UBR1: variants seen among roughly 807,000 people sequenced by gnomAD.
UBR1 encodes ubiquitin protein ligase E3 component n-recognin 1, also known as E3 ubiquitin-protein ligase UBR1.
UBR1 carries 102 observed loss-of-function variants against 242.1 expected under a neutral mutation model. The ratio of observed to expected loss-of-function variants is 0.42; its 90% CI spans 0.36 to 0.50. The LOEUF (loss-of-function observed/expected upper bound fraction) is 0.50, where lower values mean the gene tolerates loss of function less well. Among genes scored for constraint, UBR1 ranks in the 20% least tolerant of loss-of-function variants. UBR1 has a pLI of 0.01. For synonymous variants in UBR1, 675 were observed against 684.8 expected, an observed-to-expected ratio of 0.99 and a Z score of 0.22; for missense variants, 1,772 against 2,101.8, an observed-to-expected ratio of 0.84 and a Z score of 3.07.
rs75465761 is a variant in UBR1 at position 43,025,137 on chromosome 15, A to G, written c.2585-154T>C. Among the ~76,000 whole-genome samples the G allele has an allele frequency of 0.042, 6,403 of 152,286 alleles. 180 individuals are homozygous for G. The highest frequency in any genetic ancestry group is 0.1 in the Middle Eastern group (30 of 294). On this transcript the variant is annotated intron_variant, in intron 24 of 46. Transcript: ENST00000290650. ...TACCTTTCCAGTACTGAAAATATCAATGTTAAGTGTAATGTAAGTACTATA... is the reference window on the plus strand; with the variant it reads ...TACCTTTCCAGTACTGAAAATATCAGTGTTAAGTGTAATGTAAGTACTATA...
chr15:43,061,585 A>G (rs1288040550), intron 6 of UBR1, among the ~76,000 whole-genome samples: 2 of 152,076 alleles, frequency 1.3e-5, no homozygotes, highest in Non-Finnish European at 2.9e-5. Context: ...ACACACACAT[A>G]TATGTATATA....
Position 42,986,240 on chromosome 15 carries a change from A to G in UBR1, c.3998-1298T>C, listed in dbSNP as rs140197407. On this transcript the variant is annotated intron_variant, in intron 35 of 46. Transcript: ENST00000290650. Reference sequence around the variant, plus strand: ...ATTCTGTACATATCTCTCCATCTCCACAGGGACTGAGATAAGTTAGTTGTT... The same window carrying G: ...ATTCTGTACATATCTCTCCATCTCCGCAGGGACTGAGATAAGTTAGTTGTT... Among the ~76,000 whole-genome samples the G allele has an allele frequency of 2.4e-3, 363 of 152,224 alleles. 3 individuals carry two copies. Among genetic ancestry groups the G allele is most frequent in the South Asian group, 1.2e-3 (6 of 4,822 alleles).
intron 3 of UBR1, 35 bp downstream of exon 3, chr15:43,082,603 C>T (rs2033985726): frequency 1.3e-6 from 2 of 1,575,082 alleles, no homozygotes; most frequent in East Asian, 4.5e-5. Context: ...CATCAGATTC[C>T]TGCTTATTCA....
At position 42,998,072 on chromosome 15, in the gene UBR1, T is replaced by C. The variant is rs2032667125; in HGVS notation, c.3757+96A>G. On this transcript the variant is annotated intron_variant, in intron 33 of 46. Transcript: ENST00000290650. ...TATTTCCTGATATTCAAGAAATCTG[T>C]ACTTGCAAACCATATTTTAGCCCAA... 7.3e-6 allele frequency: 8 copies of C among 1,088,536 alleles called. No homozygotes were observed. The South Asian group carries it at 1.2e-4, about 16-fold the overall frequency. 67.4% of individuals were successfully genotyped at this position (1,088,536 alleles called of 1,614,324 possible).
chr15:43,092,373 G>T (rs2034115150), intron 1 of UBR1, among the ~76,000 whole-genome samples: 1 of 152,066 alleles, frequency 6.6e-6, no homozygotes, highest in Non-Finnish European at 1.5e-5. Context: ...TGTACATCTA[G>T]CCTCTTCAAT....
chr15:43,057,939 T>C (rs1296376673), intron 10 of UBR1, among the ~76,000 whole-genome samples: 3 of 151,504 alleles, frequency 2.0e-5, no homozygotes, highest in African/African-American at 7.3e-5. Flanking sequence ...GATGGGAGTC[T>C]CACTCTGTTG....
intron 39 of UBR1, 90 bp from the exon 40 acceptor site, chr15:42,970,697 A>G: frequency 8.4e-7 from 1 of 1,192,440 alleles, no homozygotes; most frequent in Non-Finnish European, 1.2e-6. Context: ...ACAATAAACA[A>G]CGTAGATTCA....
chr15:43,042,253 A>G lies in UBR1; in HGVS notation c.1849+962T>C, dbSNP rs1302188695. ...CATCCATGTCATAACAGCACTATTC[A>G]TAACAGCCAAAAGGTAGAAGCAACC... On this transcript the variant is annotated intron_variant, in intron 15 of 46. Transcript: ENST00000290650. Among the ~76,000 whole-genome samples, 6 of 152,348 alleles carry G rather than the reference A, an allele frequency of 3.9e-5. No homozygotes were observed. In the South Asian group the frequency reaches 8.3e-4, roughly 21 times the overall value.
chr15:42,993,197 T>A (rs1248169138), intron 33 of UBR1, among the ~76,000 whole-genome samples: 1 of 152,048 alleles, frequency 6.6e-6, no homozygotes, highest in African/African-American at 2.4e-5. Flanking sequence ...AGTTGGGAAA[T>A]AAAGGAAGAA....
chr15:43,078,344 G>C (rs551183584), intron 3 of UBR1, among the ~76,000 whole-genome samples: 12 of 152,246 alleles, frequency 7.9e-5, no homozygotes, highest in Non-Finnish European at 1.3e-4. Flanking sequence ...CTATAGAAAT[G>C]AGAGAGAAAC....
chr15:43,010,818 CAAAAAAAAAAA>C (rs768275252), intron 29 of UBR1, among the ~76,000 whole-genome samples: 4 of 56,972 alleles, frequency 7.0e-5, no homozygotes, highest in African/African-American at 2.2e-4. Context: ...ACTAAAAATA[CAAAAAAAAAAA>C]AAAAAAAAAA....
chr15:42,949,371 T>TATAC (rs1168912624), intron 46 of UBR1, among the ~76,000 whole-genome samples: 1 of 151,704 alleles, frequency 6.6e-6, no homozygotes, highest in Admixed American at 6.6e-5. Flanking sequence ...ATGGCACATG[T>TATAC]ATACATATGT....
intron 30 of UBR1, among the ~76,000 whole-genome samples, chr15:43,005,539 G>A (rs1321058531): frequency 6.6e-6 from 1 of 151,892 alleles, no homozygotes; most frequent in Non-Finnish European, 1.5e-5. Flanking sequence ...CAGCCACCCC[G>A]TCTGGGAAGT....
At chr15:43,002,955 C>T (rs1181866794) in intron 31 of UBR1, among the ~76,000 whole-genome samples, 1 of 152,210 alleles carries the variant, frequency 6.6e-6, no homozygotes, top group Non-Finnish European at 1.5e-5. Flanking sequence ...CATAACTCAT[C>T]TCTTGCCTCA....
intron 27 of UBR1, among the ~76,000 whole-genome samples, chr15:43,017,451 C>T (rs1231928199): frequency 1.3e-5 from 2 of 152,126 alleles, no homozygotes; most frequent in African/African-American, 4.8e-5. Context: ...AGAGATTTGC[C>T]AGGAAACAAA....
Position 43,088,856 on chromosome 15 carries a change from CTT to C in UBR1, c.82-2618_82-2617del, listed in dbSNP as rs568947460. Among the ~76,000 whole-genome samples, 812 of 150,230 alleles carry C rather than the reference CTT, an allele frequency of 5.4e-3. 10 individuals are homozygous for C. Among genetic ancestry groups the C allele is most frequent in the African/African-American group, 0.019 (779 of 40,648 alleles). The stretch of plus-strand genomic sequence containing the variant: ...TTTGCAACTAACAAAAAAAAAAAAA[CTT>C]TTAAAAAATCTACATGAGGGCTGGT... On this transcript the variant is annotated intron_variant, in intron 1 of 46. Transcript: ENST00000290650.
At chr15:43,101,227 G>A (rs1185217917) in intron 1 of UBR1, among the ~76,000 whole-genome samples, 1 of 152,136 alleles carries the variant, frequency 6.6e-6, no homozygotes, top group African/African-American at 2.4e-5. Context: ...GAGTTTATAA[G>A]TATAAGAGAA....
chr15:43,030,748 T>C (rs1012150419), intron 20 of UBR1, among the ~76,000 whole-genome samples: 7 of 152,198 alleles, frequency 4.6e-5, no homozygotes, highest in African/African-American at 1.7e-4. Context: ...TTACAATATG[T>C]GGCCTTATGT....
At chr15:43,099,068 G>A (rs1021168935) in intron 1 of UBR1, among the ~76,000 whole-genome samples, 15 of 152,292 alleles carry the variant, frequency 9.8e-5, no homozygotes, top group Non-Finnish European at 1.9e-4. Flanking sequence ...CAGGCACGGT[G>A]GCTCACATCT....
Sources: allele counts gnomAD v4.1 joint callset (sites outside exome capture counted in the v4.1 genomes callset), GRCh38; gene constraint gnomAD v4.1.1; transcripts MANE v1.5; gene names NCBI Gene and HGNC (gene_info 2026-07-23, HGNC 2026-07-21).